The following BRWD1 variants were observed in gnomAD, a reference collection of about 807,000 sequenced individuals.
BRWD1 encodes bromodomain and WD repeat-containing protein 1.
In BRWD1, 82 loss-of-function variants were observed where a neutral mutation model predicts 251.2. The observed-to-expected ratio is 0.33, with a 90% CI of 0.27 to 0.39. BRWD1 has a LOEUF of 0.39. BRWD1 is among the 10% of genes least tolerant of loss of function. The pLI, the probability that BRWD1 is intolerant of heterozygous loss-of-function variation, is 1.00. For synonymous variants in BRWD1, 918 were observed against 902.8 expected, an observed-to-expected ratio of 1.02 and a Z score of -0.30; for missense variants, 2,233 against 2,711.6, an observed-to-expected ratio of 0.82 and a Z score of 3.92.
chr21:39,265,801 T>C (rs908203615), intron 15 of BRWD1, among the ~76,000 whole-genome samples: 2 of 152,234 alleles, frequency 1.3e-5, no homozygotes, highest in Non-Finnish European at 2.9e-5. Context: ...AATTTGGCAA[T>C]GCTGCCGGGT....
chr21:39,272,909 G>T (rs1347505870), intron 13 of BRWD1, among the ~76,000 whole-genome samples: 3 of 152,136 alleles, frequency 2.0e-5, no homozygotes, highest in Non-Finnish European at 2.9e-5. Context: ...ACTATGCCCA[G>T]CCACAAATTA....
At chr21:39,274,576 A>G in intron 12 of BRWD1, 104 bp from the exon 13 acceptor site, 1 of 903,350 alleles carries the variant, frequency 1.1e-6, no homozygotes, top group Non-Finnish European at 1.8e-6. Flanking sequence ...CTGTCCTAAC[A>G]ACAGGACAAT....
Position 39,236,584 on chromosome 21 carries a change from G to T in BRWD1, c.2766+11C>A. 1 of 1,570,416 alleles carries T rather than the reference G, an allele frequency of 6.4e-7. No homozygotes were observed. Among genetic ancestry groups the T allele is most frequent in the Non-Finnish European group, 8.7e-7 (1 of 1,154,834 alleles). On this transcript the variant is annotated intron_variant, in intron 23 of 40. Transcript: ENST00000342449. Reference sequence around the variant, plus strand: ...TGATACATGCTATTTTTAAAGATACGTTTTTCTTACCTCCTTCTTAGGCTT... The same window carrying T: ...TGATACATGCTATTTTTAAAGATACTTTTTTCTTACCTCCTTCTTAGGCTT...
intron 36 of BRWD1, among the ~76,000 whole-genome samples, chr21:39,207,969 G>A (rs1327993775): frequency 3.3e-5 from 5 of 152,156 alleles, no homozygotes; most frequent in African/African-American, 7.2e-5. Context: ...TTCAGACACC[G>A]AAAGTTAGAG....
At chr21:39,257,202 T>TTA (rs200331693) in intron 18 of BRWD1, among the ~76,000 whole-genome samples, 1 of 137,008 alleles carries the variant, frequency 7.3e-6, no homozygotes, top group Non-Finnish European at 1.6e-5. Flanking sequence ...TGAAGCTATT[T>TTA]AAAAAAAAAA....
At chr21:39,312,611 C>G (rs1025925138) in intron 4 of BRWD1, 1 of 371,514 alleles carries the variant, frequency 2.7e-6, no homozygotes, top group Non-Finnish European at 5.0e-6. Flanking sequence ...CCGCGAGTCG[C>G]CCCCACCGCT....
At chr21:39,283,337 T>G (rs947934397) in intron 8 of BRWD1, among the ~76,000 whole-genome samples, 2 of 152,176 alleles carry the variant, frequency 1.3e-5, no homozygotes, top group Non-Finnish European at 2.9e-5. Flanking sequence ...AATCTTCTGA[T>G]TCAGGAACAT....
chr21:39,276,073 G>A (rs927555178), intron 12 of BRWD1, 100 bp downstream of exon 12: 11 of 1,027,930 alleles, frequency 1.1e-5, no homozygotes, highest in Non-Finnish European at 1.5e-5. Flanking sequence ...ATAATATAAA[G>A]GGAAAAAATA....
intron 19 of BRWD1, among the ~76,000 whole-genome samples, chr21:39,252,602 T>C (rs895282593): frequency 2.2e-4 from 34 of 152,324 alleles, no homozygotes; most frequent in Non-Finnish European, 3.8e-4. Flanking sequence ...CTTTATAAAA[T>C]TTCACATGAG....
Position 39,258,684 on chromosome 21 carries a change from A to G in BRWD1, c.1886-12T>C, listed in dbSNP as rs1568924316. On this transcript the variant is annotated splice_polypyrimidine_tract_variant and intron_variant, in intron 17 of 40. Transcript: ENST00000342449. Reference sequence around the variant, plus strand: ...CACCTCTCCATCACCTACAAATTCAATTATTTAATATATAATCATATAAAA... The same window carrying G: ...CACCTCTCCATCACCTACAAATTCAGTTATTTAATATATAATCATATAAAA... The G allele has an allele frequency of 1.3e-6, 2 of 1,528,946 alleles. No homozygotes were observed. Among genetic ancestry groups the G allele is most frequent in the Admixed American group, 4.2e-5 (2 of 48,134 alleles). 94.7% of individuals were successfully genotyped at this position (1,528,946 alleles called of 1,614,324 possible).
chr21:39,235,253 AAAATAAAT>A (rs771268310), intron 23 of BRWD1: 2 of 152,218 alleles, frequency 1.3e-5, no homozygotes, highest in Non-Finnish European at 2.9e-5. Flanking sequence ...CAAAAAATAA[AAAATAAAT>A]AAATAAATAA....
At chr21:39,285,169 G>A (rs147909525) in intron 8 of BRWD1, among the ~76,000 whole-genome samples, 4 of 152,292 alleles carry the variant, frequency 2.6e-5, no homozygotes, top group African/African-American at 4.8e-5. Context: ...TTCTTCCGTC[G>A]TTTGTGGTAA....
At chr21:39,213,907 A>T (rs1219261235) in intron 32 of BRWD1, among the ~76,000 whole-genome samples, 1 of 149,910 alleles carries the variant, frequency 6.7e-6, no homozygotes, top group African/African-American at 2.4e-5. Flanking sequence ...GATTTAAGGT[A>T]AAAAAAATAT....
intron 4 of BRWD1, among the ~76,000 whole-genome samples, chr21:39,309,831 A>G (rs2036417406): frequency 6.6e-6 from 1 of 151,868 alleles, no homozygotes. Context: ...TCTCAAAAAA[A>G]AAAAAAAAAA....
chr21:39,230,876 A>T (rs1423991555), intron 25 of BRWD1, among the ~76,000 whole-genome samples: 1 of 152,128 alleles, frequency 6.6e-6, no homozygotes, highest in East Asian at 1.9e-4. Flanking sequence ...AGGCAAGTCA[A>T]ATTTTTCACC....
At position 39,196,202 on chromosome 21, in the gene BRWD1, G is replaced by A; in HGVS notation, c.*57C>T. On this transcript the variant is annotated 3_prime_UTR_variant, in exon 41 of 41. Transcript: ENST00000342449. ...GACAAAAAAATAATTTTAACAGCCA[G>A]CTTTCACCATAAATGCCAGTCCATT... 6.7e-7 allele frequency: 1 copy of A among 1,493,298 alleles called. No individual in the cohort carries two copies. The highest frequency in any genetic ancestry group is 1.4e-5 in the South Asian group (1 of 69,242). The allele number at this position is 1,493,298 out of a possible 1,614,324, so 92.5% of individuals were successfully genotyped here. A position where few individuals can be genotyped will look rare whatever the true frequency, so the allele number is the denominator to read the frequency against.
intron 31 of BRWD1, among the ~76,000 whole-genome samples, chr21:39,215,682 T>C (rs887818069): frequency 6.6e-6 from 1 of 151,862 alleles, no homozygotes; most frequent in Non-Finnish European, 1.5e-5. Context: ...ATAAAGAAAA[T>C]ATGTTAAATA....
At chr21:39,287,701 TTG>T (rs2035684830) in intron 8 of BRWD1, among the ~76,000 whole-genome samples, 1 of 152,226 alleles carries the variant, frequency 6.6e-6, no homozygotes, top group Non-Finnish European at 1.5e-5. Flanking sequence ...ACTTCTGGCT[TTG>T]TTGATCCTCA....
In BRWD1 at chr21:39,241,473, T is replaced by TAA. The variant is rs61488970; in HGVS notation, c.2482-2902_2482-2901dup. ...ACAGAGCAAGATTCCATCTCCAAAG[T>TAA]AAAAAAAAAAAAAAAAAAAAAAAAA... On this transcript the variant is annotated intron_variant, in intron 21 of 40. Coordinates refer to ENST00000342449, the MANE Select transcript of BRWD1 (RefSeq NM_033656.4). Among the ~76,000 whole-genome samples, 26 of 44,916 alleles carry TAA rather than the reference T, an allele frequency of 5.8e-4. 2 individuals carry two copies. The highest frequency in any genetic ancestry group is 3.3e-3 in the East Asian group (2 of 614). The allele number at this position is 44,916 out of a possible 152,430, so 29.5% of individuals were successfully genotyped here.
Sources: gnomAD v4.1 joint callset for allele counts (sites outside exome capture counted in the v4.1 genomes callset) on GRCh38, gnomAD v4.1.1 for gene constraint, MANE v1.5 for transcripts, NCBI Gene and HGNC (gene_info 2026-07-23, HGNC 2026-07-21) for gene names.